DPP9: variants seen among roughly 807,000 people sequenced by gnomAD.
DPP9 encodes the protein dipeptidyl peptidase 9, also known as dipeptidyl peptidase IV-related protein-2.
Under a neutral mutation model 110.7 loss-of-function variants are expected in DPP9, and 50 were observed. The observed-to-expected ratio is 0.45, with a 90% CI of 0.36 to 0.57. DPP9 has a LOEUF of 0.57. Ranked by LOEUF, DPP9 falls within the 20% of genes least tolerant of loss-of-function variation. The probability of loss-of-function intolerance (pLI) is 0.00; values close to 1 mark genes in which losing one functional copy is unlikely to be tolerated. For missense variants in DPP9, 1,022 were observed against 1,217.9 expected (o/e 0.84, Z 2.39); for synonymous variants, 561 against 514.4 (o/e 1.09, Z -1.23).
Position 4,695,267 on chromosome 19 carries a change from A to G in DPP9, c.1353+111T>C, listed in dbSNP as rs892108406. 16 of 1,237,710 alleles carry G rather than the reference A, an allele frequency of 1.3e-5. No individual in the cohort carries two copies. The African/African-American group carries it at 2.5e-4, about 19-fold the overall frequency. 76.7% of individuals were successfully genotyped at this position (1,237,710 alleles called of 1,614,324 possible). A position where few individuals can be genotyped will look rare whatever the true frequency, so the allele number is the denominator to read the frequency against. On this transcript the variant is annotated intron_variant, in intron 12 of 21. Transcript: ENST00000262960. The surrounding 1 kb of genome is among the most constrained non-coding windows in gnomAD (Gnocchi z 4.7). ...CCAAGGCCTGAGCTCACTTCTCCAC[A>G]CAAGGGCAAACACCACCTGCCATTG...
intron 9 of DPP9, among the ~76,000 whole-genome samples, chr19:4,701,161 T>C (rs2092226958): frequency 6.6e-6 from 1 of 152,180 alleles, no homozygotes; most frequent in Non-Finnish European, 1.5e-5. Context: ...TTTAAATAAT[T>C]GGAAAGATGT....
intron 4 of DPP9, among the ~76,000 whole-genome samples, chr19:4,707,704 C>T (rs902150027): frequency 6.8e-6 from 1 of 148,060 alleles, no homozygotes; most frequent in Non-Finnish European, 1.5e-5. Context: ...TGGCTCACTG[C>T]AGCCTCTGCC....
At position 4,695,359 on chromosome 19, in the gene DPP9, C is replaced by T. The variant is rs1236153062; in HGVS notation, c.1353+19G>A. Reference sequence around the variant, plus strand: ...TCCAGGGCCCAGGCGGGCATACAGCCAGCGCTTGCCCCGCTTACATTGATC... The same window carrying T: ...TCCAGGGCCCAGGCGGGCATACAGCTAGCGCTTGCCCCGCTTACATTGATC... On this transcript the variant is annotated intron_variant, in intron 12 of 21. Transcript: ENST00000262960. This position sits in a 1 kb window ranked among gnomAD's most constrained non-coding sequence, Gnocchi z 4.7. 1 of 1,542,072 alleles carries T rather than the reference C, an allele frequency of 6.5e-7. No homozygotes were observed. The highest frequency in any genetic ancestry group is 8.7e-7 in the Non-Finnish European group (1 of 1,143,306).
chr19:4,677,807 C>T (rs1209942851), intron 21 of DPP9, among the ~76,000 whole-genome samples: 1 of 152,214 alleles, frequency 6.6e-6, no homozygotes, highest in Non-Finnish European at 1.5e-5. Context: ...TTACTTTTTC[C>T]TCTTGGCTAA....
At chr19:4,697,745 C>A (rs7254243) in intron 10 of DPP9, 94 bp from the exon 11 acceptor site, 2 of 984,880 alleles carry the variant, frequency 2.0e-6, no homozygotes, top group South Asian at 1.5e-5. Context: ...CATGTCCCCC[C>A]CAAATTCATA....
At position 4,700,616 on chromosome 19, in the gene DPP9, G is replaced by T. The variant is rs1379790254; in HGVS notation, c.1013-339C>A. On this transcript the variant is annotated intron_variant, in intron 9 of 21. Transcript: ENST00000262960. This position sits in a 1 kb window ranked among gnomAD's most constrained non-coding sequence, Gnocchi z 4.3. ...CAGATACCAGGAAGATGCCATCCCT[G>T]CCTTGGGAGAGCTCCAGAGCAGACG... 6.6e-6 allele frequency among the ~76,000 whole-genome samples: 1 copy of T among 152,230 alleles called. No homozygotes were observed.
intron 21 of DPP9, chr19:4,679,371 CCCCA>C (rs2089453097): frequency 6.1e-6 from 1 of 163,746 alleles, no homozygotes. Flanking sequence ...CCGCTCGGTC[CCCCA>C]AGCCTGGCTG....
intron 11 of DPP9, among the ~76,000 whole-genome samples, chr19:4,696,404 G>A (rs1252880541): frequency 1.3e-5 from 2 of 150,970 alleles, no homozygotes; most frequent in Non-Finnish European, 2.9e-5. Flanking sequence ...CGGGTCGCTT[G>A]AGCCCAGAAG....
At chr19:4,706,485 A>T (rs1382585927) in intron 4 of DPP9, among the ~76,000 whole-genome samples, 1 of 151,882 alleles carries the variant, frequency 6.6e-6, no homozygotes, top group East Asian at 1.9e-4. Context: ...AGACGACAAG[A>T]ATTTAATATA....
chr19:4,717,935 T>C (rs577435590), intron 3 of DPP9: 1 of 152,414 alleles, frequency 6.6e-6, no homozygotes, highest in East Asian at 1.9e-4. Context: ...CAGAGATGGA[T>C]TCCAGGCCAC....
intron 11 of DPP9, 34 bp downstream of exon 11, chr19:4,697,517 G>T: frequency 6.3e-7 from 1 of 1,587,206 alleles, no homozygotes; most frequent in Non-Finnish European, 8.6e-7. Context: ...GGCCCTGCAG[G>T]TGAATTCCTT....
Position 4,679,860 on chromosome 19 carries a change from C to T in DPP9, c.2561G>A (p.Arg854Gln), listed in dbSNP as rs2089565540. 1.2e-6 allele frequency: 2 copies of T among 1,612,994 alleles called. No homozygotes were observed. Among genetic ancestry groups the T allele is most frequent in the Non-Finnish European group, 1.7e-6 (2 of 1,179,586 alleles). Residue 854 changes from arginine to glutamine, a missense_variant, in exon 21 of 22, where the codon CGA (arginine) becomes CAA (glutamine). Transcript: ENST00000262960. Reference sequence around the variant, plus strand: ...CTGGAGCTGGTAAGGTTTCCCTGCTCGGATCAGTTGGGAGACGAGGAAGTT... The same window carrying T: ...CTGGAGCTGGTAAGGTTTCCCTGCTTGGATCAGTTGGGAGACGAGGAAGTT... ...HTNFLVSQLI[R>Q]AGKPYQLQIY...
intron 11 of DPP9, among the ~76,000 whole-genome samples, chr19:4,696,004 G>A (rs908075663): frequency 2.6e-5 from 4 of 152,040 alleles, no homozygotes; most frequent in Non-Finnish European, 4.4e-5. Flanking sequence ...AGGTTCAAGC[G>A]ATTCTCCTGC....
chr19:4,706,338 A>G (rs1423039771), intron 4 of DPP9, among the ~76,000 whole-genome samples: 1 of 151,390 alleles, frequency 6.6e-6, no homozygotes, highest in Non-Finnish European at 1.5e-5. Flanking sequence ...CTCAAAAAAA[A>G]AAAAAAGAAT....
At chr19:4,683,878 T>G in intron 18 of DPP9, 1 of 1,453,358 alleles carries the variant, frequency 6.9e-7, no homozygotes, top group Non-Finnish European at 9.3e-7. Flanking sequence ...TCTGAGGGCG[T>G]CAGTTTGCCC....
At chr19:4,680,135 G>C (rs979693322) in intron 20 of DPP9, among the ~76,000 whole-genome samples, 189 bp from the exon 21 acceptor site, 2 of 152,072 alleles carry the variant, frequency 1.3e-5, no homozygotes, top group South Asian at 2.1e-4. Flanking sequence ...TACTTGGGAG[G>C]CTGAGGCAGG....
chr19:4,680,577 G>A (rs548260758), intron 20 of DPP9, among the ~76,000 whole-genome samples: 39 of 150,902 alleles, frequency 2.6e-4, no homozygotes, highest in Non-Finnish European at 4.9e-4. Flanking sequence ...GCCAGGCGTG[G>A]TGGTGCACAC....
rs374467524 is a variant in DPP9 at position 4,683,468 on chromosome 19, G to A, written c.2331+9C>T. 6.2e-7 allele frequency: 1 copy of A among 1,612,762 alleles called. No individual in the cohort carries two copies. The highest frequency in any genetic ancestry group is 1.1e-5 in the South Asian group (1 of 91,080). On this transcript the variant is annotated intron_variant, in intron 19 of 21. Transcript: ENST00000262960. ...GGCGTGGCTGAGGCCGGCCAGGGGT[G>A]GGACCCACCTTGAACACCTGGGGCT...
At chr19:4,707,569 G>A (rs1009284856) in intron 4 of DPP9, among the ~76,000 whole-genome samples, 10 of 150,132 alleles carry the variant, frequency 6.7e-5, no homozygotes, top group African/African-American at 4.9e-5. Flanking sequence ...ACGAAGCCTC[G>A]GATTGGTGCT....
Sources: allele counts gnomAD v4.1 joint callset (sites outside exome capture counted in the v4.1 genomes callset), GRCh38; gene constraint gnomAD v4.1.1; non-coding constraint Gnocchi (gnomAD v3.1); transcripts MANE v1.5; gene names NCBI Gene and HGNC (gene_info 2026-07-23, HGNC 2026-07-21).